Variants in ACACA observed in about 807,000 individuals in gnomAD.
The protein encoded by ACACA is acetyl-CoA carboxylase 1.
ACACA carries 103 observed loss-of-function variants against 296.1 expected under a neutral mutation model. That is an observed-to-expected ratio of 0.35 (90% confidence interval 0.30 to 0.41). The LOEUF (loss-of-function observed/expected upper bound fraction) is 0.41, where lower values mean the gene tolerates loss of function less well. ACACA is among the 10% of genes least tolerant of loss of function. ACACA has a pLI of 1.00. For synonymous variants in ACACA, 953 were observed against 1,038.6 expected, an observed-to-expected ratio of 0.92 and a Z score of 1.58; for missense variants, 1,554 against 2,989.7, an observed-to-expected ratio of 0.52 and a Z score of 11.20.
intron 2 of ACACA, among the ~76,000 whole-genome samples, chr17:37,335,244 C>A (rs969319531): frequency 1.3e-5 from 2 of 152,102 alleles, no homozygotes; most frequent in Non-Finnish European, 2.9e-5. Flanking sequence ...TGTGCCTCCC[C>A]CTGCACTTTA....
At chr17:37,087,705 A>AAGAC (rs1206638472) in intron 55 of ACACA, among the ~76,000 whole-genome samples, 1 of 152,208 alleles carries the variant, frequency 6.6e-6, no homozygotes, top group African/African-American at 2.4e-5. Context: ...GCATGTCACA[A>AAGAC]AGACAGCAAT....
intron 41 of ACACA, among the ~76,000 whole-genome samples, chr17:37,173,998 A>ATTT (rs2076991578): frequency 1.2e-4 from 1 of 8,326 alleles, no homozygotes; most frequent in African/African-American, 9.2e-4. Flanking sequence ...ATATATATAT[A>ATTT]TATATATATA....
intron 34 of ACACA, 21 bp downstream of exon 34, chr17:37,200,406 G>A (rs1359547275): frequency 1.3e-6 from 2 of 1,588,512 alleles, no homozygotes; most frequent in East Asian, 2.2e-5. Context: ...TATTAAAGAG[G>A]TACAATTCAC....
At chr17:37,322,001 T>C (rs1474712037) in intron 3 of ACACA, among the ~76,000 whole-genome samples, 1 of 151,524 alleles carries the variant, frequency 6.6e-6, no homozygotes, top group East Asian at 1.9e-4. Context: ...CTCATTAACA[T>C]ACTATGACTA....
At chr17:37,294,135 A>G (rs2542670) in intron 3 of ACACA, among the ~76,000 whole-genome samples, 50,011 of 151,192 alleles carry the variant, frequency 0.33, 10,298 homozygotes, top group African/African-American at 0.57. Context: ...AAAAAAAAAA[A>G]GGCACACAAA....
At chr17:37,093,230 T>C (rs1262686169) in intron 54 of ACACA, among the ~76,000 whole-genome samples, 1 of 152,194 alleles carries the variant, frequency 6.6e-6, no homozygotes, top group Non-Finnish European at 1.5e-5. Flanking sequence ...TGAGCATTCA[T>C]TTCACTTGGA....
At chr17:37,274,874 G>A (rs1377797698) in intron 8 of ACACA, among the ~76,000 whole-genome samples, 1 of 152,062 alleles carries the variant, frequency 6.6e-6, no homozygotes, top group Admixed American at 6.6e-5. Flanking sequence ...CAATCTCCCT[G>A]GAGAGCCAGA....
At chr17:37,158,446 G>A (rs1183569389) in intron 42 of ACACA, among the ~76,000 whole-genome samples, 1 of 151,726 alleles carries the variant, frequency 6.6e-6, no homozygotes, top group African/African-American at 2.4e-5. Context: ...CCTGGGCAAC[G>A]TGGGGAAACC....
chr17:37,254,702 G>T (rs1274877629), intron 14 of ACACA, among the ~76,000 whole-genome samples: 1 of 151,708 alleles, frequency 6.6e-6, no homozygotes, highest in East Asian at 1.9e-4. Flanking sequence ...TGAATGAATG[G>T]GCCTGGCACA....
At position 37,406,592 on chromosome 17, in the gene ACACA, C is replaced by G; in HGVS notation, c.-293G>C. 1 of 568,570 alleles carries G rather than the reference C, an allele frequency of 1.8e-6. No individual in the cohort carries two copies. Among genetic ancestry groups the G allele is most frequent in the East Asian group, 3.0e-5 (1 of 33,190 alleles). 35.2% of individuals were successfully genotyped at this position (568,570 alleles called of 1,614,324 possible). On this transcript the variant is annotated 5_prime_UTR_variant, in exon 1 of 56. Coordinates refer to ENST00000616317, the MANE Select transcript of ACACA (RefSeq NM_198834.3). ...GCAGTCCCGGCTCGGCCCGCCTCAC[C>G]GCACTCCGGAGGGGACCAAACAGCC...
chr17:37,153,940 C>G (rs2076142187), intron 43 of ACACA, among the ~76,000 whole-genome samples: 1 of 152,128 alleles, frequency 6.6e-6, no homozygotes, highest in Admixed American at 6.5e-5. Context: ...GAAGATGTCA[C>G]TTCTTAAATT....
At chr17:37,225,188 AATAAAT>A (rs754786488) in intron 26 of ACACA, 83 bp from the exon 27 acceptor site, 6 of 821,530 alleles carry the variant, frequency 7.3e-6, no homozygotes, top group African/African-American at 1.7e-5. Flanking sequence ...ATACAAAAGC[AATAAAT>A]ATAAATCTGT....
At chr17:37,311,098 T>C (rs192784677) in intron 3 of ACACA, among the ~76,000 whole-genome samples, 12 of 152,300 alleles carry the variant, frequency 7.9e-5, no homozygotes, top group Middle Eastern at 6.8e-3. Context: ...TAGTCATTAG[T>C]GGTTTTTACG....
intron 27 of ACACA, among the ~76,000 whole-genome samples, chr17:37,224,187 G>C (rs1348927605): frequency 6.6e-6 from 1 of 152,182 alleles, no homozygotes; most frequent in African/African-American, 2.4e-5. Context: ...GGGCAACAGA[G>C]TGAGACTCTG....
chr17:37,348,319 C>A (rs986730269), intron 1 of ACACA, among the ~76,000 whole-genome samples: 1 of 151,844 alleles, frequency 6.6e-6, no homozygotes, highest in African/African-American at 2.4e-5. Context: ...ATGGTCATTG[C>A]CAGATTAAAA....
In ACACA at chr17:37,174,020, A is replaced by ATT. The variant is rs71159693; in HGVS notation, c.5079+5238_5079+5239dup. 8.7e-3 allele frequency among the ~76,000 whole-genome samples: 146 copies of ATT among 16,794 alleles called. 22 individuals are homozygous for ATT. The highest frequency in any genetic ancestry group is 0.012 in the Non-Finnish European group (125 of 10,146). 11.0% of individuals were successfully genotyped at this position (16,794 alleles called of 152,430 possible). On this transcript the variant is annotated intron_variant, in intron 41 of 55. Coordinates refer to ENST00000616317, the MANE Select transcript of ACACA (RefSeq NM_198834.3). ...TATATATATATATATATATATATAT[A>ATT]TTTTTTTTTTTTTTTTTTTTTGTAG... is the stretch of plus-strand genomic sequence containing the variant.
intron 22 of ACACA, 146 bp from the exon 23 acceptor site, chr17:37,242,199 G>T: frequency 1.4e-6 from 1 of 705,398 alleles, no homozygotes. Flanking sequence ...GAAGTTACCA[G>T]GCGTAGTCTA....
At chr17:37,283,116 G>T in intron 5 of ACACA, 151 bp downstream of exon 5, 1 of 933,448 alleles carries the variant, frequency 1.1e-6, no homozygotes, top group Non-Finnish European at 1.6e-6. Flanking sequence ...GTCTATTACT[G>T]ACACATTTTA....
chr17:37,346,079 A>G (rs1394052204), intron 1 of ACACA, among the ~76,000 whole-genome samples: 2 of 152,144 alleles, frequency 1.3e-5, no homozygotes, highest in Non-Finnish European at 2.9e-5. Context: ...CCCTATCTCT[A>G]GAGGAAAAAA....
Sources: allele counts gnomAD v4.1 joint callset (sites outside exome capture counted in the v4.1 genomes callset), GRCh38; gene constraint gnomAD v4.1.1; transcripts MANE v1.5; gene names NCBI Gene and HGNC (gene_info 2026-07-23, HGNC 2026-07-21).